MYO5B: variants seen among roughly 807,000 people sequenced by gnomAD.
MYO5B encodes myosin VB.
A neutral mutation model predicts 229.3 loss-of-function variants in MYO5B; 143 were observed. The ratio of observed to expected loss-of-function variants is 0.62; its 90% CI spans 0.54 to 0.72. MYO5B has a LOEUF of 0.72. Among genes scored for constraint, MYO5B ranks in the 30% least tolerant of loss-of-function variants. The pLI is 0.00. For synonymous variants in MYO5B, 918 were observed against 885.2 expected, an observed-to-expected ratio of 1.04 and a Z score of -0.66; for missense variants, 2,321 against 2,331.0, an observed-to-expected ratio of 1.00 and a Z score of 0.09.
intron 2 of MYO5B, among the ~76,000 whole-genome samples, chr18:50,050,377 T>C (rs566268689): frequency 7.9e-5 from 12 of 152,262 alleles, no homozygotes; most frequent in African/African-American, 2.9e-4. Context: ...TGCACCAATA[T>C]GCAAGGACAA....
chr18:49,981,567 A>G (rs1168439934), intron 8 of MYO5B, among the ~76,000 whole-genome samples: 1 of 152,230 alleles, frequency 6.6e-6, no homozygotes, highest in African/African-American at 2.4e-5. Flanking sequence ...ATTATGTAAA[A>G]TTTCAAAACA....
chr18:50,003,191 C>T (rs555762061), intron 4 of MYO5B, among the ~76,000 whole-genome samples: 80 of 152,302 alleles, frequency 5.3e-4, no homozygotes, highest in Admixed American at 1.2e-3. Flanking sequence ...CTCACACAAA[C>T]GGTTAGCAAT....
rs1450906770 is a variant in MYO5B at position 50,040,225 on chromosome 18, G to A, written c.228C>T (p.Ala76=). The A allele has an allele frequency of 6.2e-7, 1 of 1,613,926 alleles. No individual in the cohort carries two copies. The highest frequency in any genetic ancestry group is 8.5e-7 in the Non-Finnish European group (1 of 1,179,992). ...DILVGENDLT[A]LSYLHEPAVL... ...CTGCAGGCTCATGAAGATAGCTAAG[G>A]GCAGTCAGGTCATTTTCTCCCACCA... Residue 76 remains alanine, a synonymous_variant, in exon 3 of 40, where the codon GCC becomes GCT. Transcript: ENST00000285039.
chr18:50,119,094 C>T (rs1458687085), intron 1 of MYO5B, among the ~76,000 whole-genome samples: 2 of 152,150 alleles, frequency 1.3e-5, no homozygotes, highest in African/African-American at 4.8e-5. Context: ...ATAAGAATCA[C>T]CCAGAAAGAG....
At chr18:50,054,700 C>G (rs2030496564) in intron 2 of MYO5B, among the ~76,000 whole-genome samples, 1 of 152,182 alleles carries the variant, frequency 6.6e-6, no homozygotes, top group Non-Finnish European at 1.5e-5. Flanking sequence ...ATAAAAAATG[C>G]TCACTACAGC....
At chr18:50,055,814 A>G (rs1282607217) in intron 1 of MYO5B, among the ~76,000 whole-genome samples, 1 of 152,252 alleles carries the variant, frequency 6.6e-6, no homozygotes, top group East Asian at 1.9e-4. Flanking sequence ...GATATTCTGC[A>G]TTCAGAGAAA....
chr18:49,898,063 C>T (rs1310560567), intron 21 of MYO5B, among the ~76,000 whole-genome samples: 1 of 152,196 alleles, frequency 6.6e-6, no homozygotes, highest in African/African-American at 2.4e-5. Flanking sequence ...ACATGCTGTA[C>T]AGGTTTGTAG....
At chr18:49,891,226 C>T (rs982934499) in intron 22 of MYO5B, among the ~76,000 whole-genome samples, 7 of 152,144 alleles carry the variant, frequency 4.6e-5, no homozygotes, top group Admixed American at 4.6e-4. Flanking sequence ...ACCTGTTATC[C>T]CCAAATCGCC....
At chr18:50,088,486 A>G (rs1467688703) in intron 1 of MYO5B, among the ~76,000 whole-genome samples, 1 of 152,236 alleles carries the variant, frequency 6.6e-6, no homozygotes, top group Non-Finnish European at 1.5e-5. Flanking sequence ...AAAATCTTTA[A>G]AACAATAATT....
At chr18:50,102,091 A>C (rs1394808358) in intron 1 of MYO5B, among the ~76,000 whole-genome samples, 1 of 152,148 alleles carries the variant, frequency 6.6e-6, no homozygotes, top group African/African-American at 2.4e-5. Context: ...TGAAGGAAGG[A>C]TTGCGTCCTT....
chr18:50,050,185 T>TA (rs1339569345), intron 2 of MYO5B, among the ~76,000 whole-genome samples: 6 of 152,162 alleles, frequency 3.9e-5, no homozygotes, highest in Non-Finnish European at 8.8e-5. Flanking sequence ...TTATAAGAAC[T>TA]AAAATGGCCA....
chr18:49,830,276 C>T (rs778478603), intron 39 of MYO5B, among the ~76,000 whole-genome samples: 19 of 151,406 alleles, frequency 1.3e-4, no homozygotes, highest in Non-Finnish European at 2.4e-4. Context: ...GAAAGAAAAA[C>T]AATTCCATTT....
chr18:50,074,485 A>G lies in MYO5B; in HGVS notation c.28-19107T>C, dbSNP rs1034291212. Among the ~76,000 whole-genome samples the G allele has an allele frequency of 4.6e-5, 7 of 152,134 alleles. No individual in the cohort carries two copies. In the South Asian group the frequency reaches 8.3e-4, roughly 18 times the overall value. Reference sequence around the variant, plus strand: ...CTGAACTCCTCAATGAGGCTCTTGAATCCTGCATGTCCTCTCTACCAACCT... The same window carrying G: ...CTGAACTCCTCAATGAGGCTCTTGAGTCCTGCATGTCCTCTCTACCAACCT... On this transcript the variant is annotated intron_variant, in intron 1 of 39. Transcript: ENST00000285039.
At chr18:49,929,365 C>T (rs2025163725) in intron 17 of MYO5B, 147 bp downstream of exon 17, 2 of 657,450 alleles carry the variant, frequency 3.0e-6, no homozygotes, top group African/African-American at 1.8e-5. Context: ...GTCTCATTTC[C>T]ATCAGCATCC....
intron 1 of MYO5B, among the ~76,000 whole-genome samples, chr18:50,178,168 G>A (rs906351884): frequency 6.6e-6 from 1 of 152,122 alleles, no homozygotes; most frequent in Admixed American, 6.6e-5. Context: ...GGGTAGTTGT[G>A]GCGCACACAA....
intron 2 of MYO5B, among the ~76,000 whole-genome samples, 153 bp downstream of exon 2, chr18:50,055,115 C>A (rs1391629827): frequency 6.6e-6 from 1 of 152,188 alleles, no homozygotes; most frequent in Non-Finnish European, 1.5e-5. Flanking sequence ...CTTTCACATA[C>A]ATCAATAGCA....
intron 2 of MYO5B, among the ~76,000 whole-genome samples, chr18:50,044,018 C>T (rs901537928): frequency 5.3e-5 from 8 of 151,976 alleles, no homozygotes; most frequent in African/African-American, 1.7e-4. Context: ...CCACCTATTC[C>T]CCAAAAACCT....
chr18:50,081,626 A>G (rs781754954), intron 1 of MYO5B, among the ~76,000 whole-genome samples: 12 of 152,238 alleles, frequency 7.9e-5, no homozygotes, highest in Non-Finnish European at 1.3e-4. Flanking sequence ...TTTTGGTCAT[A>G]GTAAATAAAT....
chr18:50,148,364 T>A (rs1487769313), intron 1 of MYO5B, among the ~76,000 whole-genome samples: 1 of 149,422 alleles, frequency 6.7e-6, no homozygotes, highest in East Asian at 2.0e-4. Flanking sequence ...TACCAAAGCC[T>A]GGCAGAGACA....
Sources: gnomAD v4.1 joint callset for allele counts (sites outside exome capture counted in the v4.1 genomes callset) on GRCh38, gnomAD v4.1.1 for gene constraint, MANE v1.5 for transcripts, NCBI Gene and HGNC (gene_info 2026-07-23, HGNC 2026-07-21) for gene names.